EXOC6B: variants seen among roughly 807,000 people sequenced by gnomAD.
EXOC6B encodes exocyst complex component 6B, also known as SEC15 homolog B.
Under a neutral mutation model 113.5 loss-of-function variants are expected in EXOC6B, and 54 were observed. The ratio of observed to expected loss-of-function variants is 0.48; its 90% CI spans 0.38 to 0.60. The LOEUF is 0.60. Among genes scored for constraint, EXOC6B ranks in the 20% least tolerant of loss-of-function variants. The pLI is 0.00. For missense variants in EXOC6B, 797 were observed against 977.5 expected (o/e 0.82, Z 2.46); for synonymous variants, 357 against 339.0 (o/e 1.05, Z -0.58).
At chr2:72,287,958 A>G (rs1434167871) in intron 20 of EXOC6B, among the ~76,000 whole-genome samples, 3 of 152,192 alleles carry the variant, frequency 2.0e-5, no homozygotes, top group African/African-American at 7.2e-5. Flanking sequence ...GACTTGTATA[A>G]CTTTGATTCT....
At chr2:72,576,871 G>A (rs1327897263) in intron 6 of EXOC6B, among the ~76,000 whole-genome samples, 1 of 152,070 alleles carries the variant, frequency 6.6e-6, no homozygotes, top group East Asian at 1.9e-4. Flanking sequence ...TGTGACCTCT[G>A]AAAGTATACA....
chr2:72,740,859 T>G (rs1681263752), intron 2 of EXOC6B, among the ~76,000 whole-genome samples: 1 of 152,288 alleles, frequency 6.6e-6, no homozygotes, highest in African/African-American at 2.4e-5. Context: ...TCCCAGCACC[T>G]TGGGAGGCCG....
chr2:72,308,905 A>G (rs1687039330), intron 20 of EXOC6B, among the ~76,000 whole-genome samples: 2 of 152,176 alleles, frequency 1.3e-5, no homozygotes, highest in African/African-American at 4.8e-5. Flanking sequence ...TTAAATGAAG[A>G]TGATGACTAT....
intron 8 of EXOC6B, among the ~76,000 whole-genome samples, chr2:72,529,838 T>C (rs1029133151): frequency 6.6e-6 from 1 of 152,188 alleles, no homozygotes; most frequent in African/African-American, 2.4e-5. Flanking sequence ...CCATTTCATA[T>C]TGGGTGAATT....
chr2:72,590,661 T>A (rs1705883154), intron 6 of EXOC6B, among the ~76,000 whole-genome samples: 1 of 151,984 alleles, frequency 6.6e-6, no homozygotes, highest in Admixed American at 6.6e-5. Flanking sequence ...CTTTCTTCCT[T>A]CCATAATCTA....
At chr2:72,358,519 T>C (rs1572964675) in intron 19 of EXOC6B, among the ~76,000 whole-genome samples, 1 of 152,212 alleles carries the variant, frequency 6.6e-6, no homozygotes, top group African/African-American at 2.4e-5. Flanking sequence ...ATTATTCACT[T>C]AGTTATCACA....
At chr2:72,345,782 C>T (rs1033365270) in intron 19 of EXOC6B, among the ~76,000 whole-genome samples, 1 of 152,102 alleles carries the variant, frequency 6.6e-6, no homozygotes, top group African/African-American at 2.4e-5. Flanking sequence ...TGTCCAAGCC[C>T]ATAGAATGTA....
At chr2:72,691,421 A>G (rs975478095) in intron 6 of EXOC6B, among the ~76,000 whole-genome samples, 3 of 152,230 alleles carry the variant, frequency 2.0e-5, no homozygotes, top group African/African-American at 7.2e-5. Flanking sequence ...CTACCGAGAA[A>G]TAGAACTATT....
intron 1 of EXOC6B, among the ~76,000 whole-genome samples, chr2:72,773,874 T>C (rs575457893): frequency 4.7e-4 from 72 of 152,308 alleles, no homozygotes; most frequent in Middle Eastern, 6.8e-3. Flanking sequence ...CTAAAAAGTA[T>C]TTTCAAAGAC....
intron 18 of EXOC6B, among the ~76,000 whole-genome samples, chr2:72,394,343 A>C (rs1322329201): frequency 6.6e-6 from 1 of 152,166 alleles, no homozygotes; most frequent in Non-Finnish European, 1.5e-5. Flanking sequence ...AAGCAAATCA[A>C]GGAGAACAGA....
At chr2:72,212,094 T>C (rs757411854) in intron 20 of EXOC6B, among the ~76,000 whole-genome samples, 1 of 151,978 alleles carries the variant, frequency 6.6e-6, no homozygotes, top group Non-Finnish European at 1.5e-5. Flanking sequence ...CCAAGAATGG[T>C]GTATCAAAAT....
chr2:72,514,414 A>G (rs1296037900), intron 10 of EXOC6B, among the ~76,000 whole-genome samples: 1 of 151,970 alleles, frequency 6.6e-6, no homozygotes, highest in Non-Finnish European at 1.5e-5. Flanking sequence ...CTCCAGCAAT[A>G]TAAAGTTGAA....
At chr2:72,359,345 G>A (rs1368653844) in intron 19 of EXOC6B, among the ~76,000 whole-genome samples, 1 of 151,910 alleles carries the variant, frequency 6.6e-6, no homozygotes, top group African/African-American at 2.4e-5. Flanking sequence ...GGCCCTTTTT[G>A]CCCTTCTACC....
At chr2:72,353,216 G>A (rs1300534936) in intron 19 of EXOC6B, among the ~76,000 whole-genome samples, 2 of 152,150 alleles carry the variant, frequency 1.3e-5, no homozygotes, top group African/African-American at 4.8e-5. Context: ...TGAGCTAATG[G>A]TGAGGTCTCT....
chr2:72,773,424 C>T (rs758605528), intron 1 of EXOC6B, among the ~76,000 whole-genome samples: 3 of 146,292 alleles, frequency 2.1e-5, no homozygotes, highest in South Asian at 2.2e-4. Context: ...GCCACCATAC[C>T]GGGTAGATCT....
intron 2 of EXOC6B, among the ~76,000 whole-genome samples, chr2:72,735,313 C>T (rs1680877825): frequency 6.6e-6 from 1 of 152,104 alleles, no homozygotes; most frequent in Non-Finnish European, 1.5e-5. Flanking sequence ...ACTCAGTACA[C>T]AAGTATAGGG....
At chr2:72,249,108 A>T (rs1438810577) in intron 20 of EXOC6B, among the ~76,000 whole-genome samples, 2 of 152,104 alleles carry the variant, frequency 1.3e-5, no homozygotes, top group Non-Finnish European at 2.9e-5. Context: ...TCCAAAACAA[A>T]TTTTAAAATT....
intron 18 of EXOC6B, among the ~76,000 whole-genome samples, chr2:72,412,538 A>T (rs184082288): frequency 2.2e-3 from 339 of 152,332 alleles, no homozygotes; most frequent in Non-Finnish European, 3.6e-3. Flanking sequence ...AATGTCTGGA[A>T]CCTAACACAA....
intron 18 of EXOC6B, among the ~76,000 whole-genome samples, chr2:72,429,928 A>C (rs1422985587): frequency 6.6e-6 from 1 of 152,224 alleles, no homozygotes; most frequent in African/African-American, 2.4e-5. Context: ...TCTTGGATGA[A>C]GGAATAATTA....
Sources: allele counts gnomAD v4.1 joint callset (sites outside exome capture counted in the v4.1 genomes callset), GRCh38; gene constraint gnomAD v4.1.1; transcripts MANE v1.5; gene names NCBI Gene and HGNC (gene_info 2026-07-23, HGNC 2026-07-21).